The following KLF7 variants were observed in gnomAD, a reference collection of about 807,000 sequenced individuals.
KLF7 encodes Krueppel-like factor 7.
Under a neutral mutation model 27.3 loss-of-function variants are expected in KLF7, and 2 were observed. The ratio of observed to expected loss-of-function variants is 0.07; its 90% CI spans 0.03 to 0.23. The LOEUF (loss-of-function observed/expected upper bound fraction) is 0.23. KLF7 is among the 10% of genes least tolerant of loss of function. KLF7 has a pLI of 1.00. For synonymous variants in KLF7, 165 were observed against 162.4 expected (o/e 1.02, Z -0.12); for missense variants, 221 against 394.1 (o/e 0.56, Z 3.72).
chr2:207,123,865 G>C lies in KLF7; in HGVS notation c.642C>G (p.Asn214Lys). 1.2e-6 allele frequency: 2 copies of C among 1,613,986 alleles called. No homozygotes were observed. Among genetic ancestry groups the C allele is most frequent in the Non-Finnish European group, 1.7e-6 (2 of 1,180,026 alleles). Residue 214 changes from asparagine to lysine, a missense_variant, in exon 2 of 4, where the codon AAC becomes AAG. Coordinates refer to ENST00000309446, the MANE Select transcript of KLF7 (RefSeq NM_003709.4). The stretch of plus-strand genomic sequence containing the variant: ...ACTGACAGCGGTGAACCCTCTTCTT[G>C]TTTTCGGGACATGCTTCAGCCCCCA... ...GGLGAEACPE[N>K]KKRVHRCQFN...
At chr2:207,081,935 T>A (rs2076282509) in intron 3 of KLF7, among the ~76,000 whole-genome samples, 4 of 151,908 alleles carry the variant, frequency 2.6e-5, no homozygotes. Context: ...GCTAAGGGTT[T>A]TCCCAATATC....
At chr2:207,151,307 G>A (rs377019800) in intron 1 of KLF7, among the ~76,000 whole-genome samples, 2 of 152,084 alleles carry the variant, frequency 1.3e-5, no homozygotes, top group African/African-American at 4.8e-5. Context: ...ATATTGCAAG[G>A]AGGCTCACAA....
intron 2 of KLF7, among the ~76,000 whole-genome samples, chr2:207,112,169 A>G (rs2077054747): frequency 6.7e-6 from 1 of 149,768 alleles, no homozygotes; most frequent in Non-Finnish European, 1.5e-5. Context: ...TTTAATGGGC[A>G]AATGCTTTTG....
At chr2:207,101,920 C>T (rs935817110) in intron 2 of KLF7, among the ~76,000 whole-genome samples, 2 of 152,112 alleles carry the variant, frequency 1.3e-5, no homozygotes, top group Non-Finnish European at 2.9e-5. Context: ...CCTTAGTATT[C>T]CCAAGACTTA....
At chr2:207,167,913 A>T (rs902881596), upstream of KLF7, among the ~76,000 whole-genome samples, 2 of 152,206 alleles carry the variant, frequency 1.3e-5, no homozygotes, top group African/African-American at 4.8e-5. Flanking sequence ...TCCCCACTTG[A>T]GCTATGTAAA....
rs963724454 is a variant in KLF7, at chr2:207,160,816, A to C, written c.102+4651T>G. ...ATGTTTAGAATGGGCTGGCAGAAAG[A>C]AGCAGCCCACATTTGGATGCTTAAG... On this transcript the variant is annotated intron_variant, in intron 1 of 3. Transcript: ENST00000309446. Among the ~76,000 whole-genome samples, 5 of 152,190 alleles carry C rather than the reference A, an allele frequency of 3.3e-5. 1 individual carries two copies. Among genetic ancestry groups the C allele is most frequent in the South Asian group, 2.1e-4 (1 of 4,828 alleles).
chr2:207,074,524 T>C lies in KLF7; in HGVS notation c.*6689A>G, dbSNP rs1240187471. The C allele has an allele frequency of 6.6e-6, 1 of 152,254 alleles. No individual in the cohort carries two copies. Among genetic ancestry groups the C allele is most frequent in the Non-Finnish European group, 1.5e-5 (1 of 68,112 alleles). The allele number at this position is 152,254 out of a possible 1,614,324, so 9.4% of individuals were successfully genotyped here. ...GCTTGTATTTCCATCTAGTTTTTTG[T>C]ACTCTCCACAGCCAGCTGGATTTCC... On this transcript the variant is annotated 3_prime_UTR_variant, in exon 4 of 4. Transcript: ENST00000309446.
At chr2:207,158,145 AAG>A (rs1361681304) in intron 1 of KLF7, among the ~76,000 whole-genome samples, 2 of 152,184 alleles carry the variant, frequency 1.3e-5, no homozygotes, top group African/African-American at 4.8e-5. Context: ...TTAGAGGTGA[AAG>A]AGATCTGTGA....
chr2:207,142,014 T>C (rs1169367844), intron 1 of KLF7, among the ~76,000 whole-genome samples: 2 of 151,956 alleles, frequency 1.3e-5, no homozygotes, highest in African/African-American at 4.8e-5. Context: ...AATAAGAATC[T>C]TGTCACAAGA....
intron 1 of KLF7, among the ~76,000 whole-genome samples, chr2:207,152,484 G>C (rs1415280775): frequency 1.3e-5 from 2 of 152,128 alleles, no homozygotes; most frequent in African/African-American, 2.4e-5. Flanking sequence ...AAATCAGTCA[G>C]TTTCCAAATT....
intron 2 of KLF7, among the ~76,000 whole-genome samples, chr2:207,107,654 C>T (rs2076914522): frequency 6.6e-6 from 1 of 152,242 alleles, no homozygotes; most frequent in South Asian, 2.1e-4. Flanking sequence ...TGTGTGCAGC[C>T]GTCTTGCTTT....
chr2:207,119,957 G>C (rs1428983555), intron 2 of KLF7, among the ~76,000 whole-genome samples: 2 of 152,202 alleles, frequency 1.3e-5, no homozygotes, highest in African/African-American at 4.8e-5. Flanking sequence ...GCCTCCCAAA[G>C]TGCTAGGATT....
At chr2:207,115,483 T>G (rs185925081) in intron 2 of KLF7, among the ~76,000 whole-genome samples, 1 of 152,368 alleles carries the variant, frequency 6.6e-6, no homozygotes, top group Non-Finnish European at 1.5e-5. Context: ...ATGGGGACAC[T>G]GCAGGAGTGA....
In KLF7 at chr2:207,075,350, T is replaced by C. The variant is rs1268613119; in HGVS notation, c.*5863A>G. ...AACTTGACAAAGTAATATATTTATA[T>C]ATATATATATATAAAAAGCTTAAAA... On this transcript the variant is annotated 3_prime_UTR_variant, in exon 4 of 4. Coordinates refer to ENST00000309446, the MANE Select transcript of KLF7 (RefSeq NM_003709.4). 6.7e-6 allele frequency: 1 copy of C among 148,954 alleles called. No homozygotes were observed. Among genetic ancestry groups the C allele is most frequent in the African/African-American group, 2.4e-5 (1 of 40,858 alleles). 9.2% of individuals were successfully genotyped at this position (148,954 alleles called of 1,614,324 possible).
chr2:207,120,071 C>T (rs1020899797), intron 2 of KLF7, among the ~76,000 whole-genome samples: 5 of 152,146 alleles, frequency 3.3e-5, no homozygotes, highest in African/African-American at 9.7e-5. Context: ...TTCCTCGCCT[C>T]GTTATCCTGC....
At chr2:207,116,686 A>G (rs751944436) in intron 2 of KLF7, among the ~76,000 whole-genome samples, 1 of 152,204 alleles carries the variant, frequency 6.6e-6, no homozygotes, top group Non-Finnish European at 1.5e-5. Flanking sequence ...CAGTTTTTCT[A>G]AAAGTTTACA....
chr2:207,120,643 T>A (rs1166243231), intron 2 of KLF7, among the ~76,000 whole-genome samples: 1 of 152,206 alleles, frequency 6.6e-6, no homozygotes, highest in Non-Finnish European at 1.5e-5. Flanking sequence ...ATAGCTTGCC[T>A]GAATCCAACC....
intron 2 of KLF7, among the ~76,000 whole-genome samples, chr2:207,098,618 C>CTATTATTATTAT (rs71034501): frequency 2.5e-3 from 372 of 149,016 alleles, no homozygotes; most frequent in Non-Finnish European, 3.5e-3. Flanking sequence ...AATGACCAAG[C>CTATTATTATTAT]TATTATTATT....
Position 207,124,213 on chromosome 2 carries a change from C to G in KLF7, c.294G>C (p.Leu98Phe). The G allele has an allele frequency of 6.2e-7, 1 of 1,614,072 alleles. No individual in the cohort carries two copies. Among genetic ancestry groups the G allele is most frequent in the Non-Finnish European group, 8.5e-7 (1 of 1,180,018 alleles). ...CAGATAGCAACTTGTCCCGAGAGAG[C>G]AAGATGTCCACTGCCGAGCTCTTCT... ...ICEKSSAVDI[L>F]LSRDKLLSET... The change falls in exon 2 of 4, where the codon TTG (leucine) becomes TTC (phenylalanine). Residue 98 changes from leucine to phenylalanine, a missense_variant. Physicochemically the swap from Leu to Phe is conservative, Grantham distance 22. Transcript: ENST00000309446.
Sources: gnomAD v4.1 joint callset for allele counts (sites outside exome capture counted in the v4.1 genomes callset) on GRCh38, gnomAD v4.1.1 for gene constraint, MANE v1.5 for transcripts, NCBI Gene and HGNC (gene_info 2026-07-23, HGNC 2026-07-21) for gene names.